The following CDADC1 variants were observed in gnomAD, a reference collection of about 807,000 sequenced individuals.
CDADC1 encodes dCTP deaminase.
CDADC1 carries 39 observed loss-of-function variants against 54.9 expected under a neutral mutation model. That is an observed-to-expected ratio of 0.71 (90% CI 0.55 to 0.93). The LOEUF is 0.93. Among genes scored for constraint, CDADC1 ranks in the 40% least tolerant of loss-of-function variants. The pLI is 0.00. For missense variants in CDADC1, 518 were observed against 618.8 expected (o/e 0.84, Z 1.73); for synonymous variants, 186 against 204.0 (o/e 0.91, Z 0.75).
intron 4 of CDADC1, chr13:49,265,902 C>A (rs964030636): frequency 9.2e-6 from 12 of 1,302,738 alleles, no homozygotes; most frequent in Non-Finnish European, 1.2e-5. Context: ...AGCTAAGATG[C>A]CTAGATGAAA....
In CDADC1 at chr13:49,259,317, A is replaced by G. The variant is rs770250667; in HGVS notation, c.253-29A>G. The G allele has an allele frequency of 3.4e-6, 5 of 1,488,996 alleles. No homozygotes were observed. In the South Asian group the frequency reaches 4.9e-5, roughly 15 times the overall value. The allele number at this position is 1,488,996 out of a possible 1,614,324, so 92.2% of individuals were successfully genotyped here. ...ATATGATTATTAGGTGTTATAACTA[A>G]TAAGTTGTTATTTTATATCTTAATG... On this transcript the variant is annotated intron_variant, in intron 3 of 9. Transcript: ENST00000251108.
At chr13:49,275,726 TAGAGAGAGAGAGAGAGAGAGAG>T (rs1163125791) in intron 6 of CDADC1, among the ~76,000 whole-genome samples, 219 of 17,882 alleles carry the variant, frequency 0.012, 4 homozygotes, top group South Asian at 0.013. Flanking sequence ...TATATATATA[TAGAGAGAGAGAGAGAGAGAGAG>T]AGAGAGAGAG....
At position 49,285,701 on chromosome 13, in the gene CDADC1, C is replaced by G. The variant is rs1313737128; in HGVS notation, c.1411-521C>G. ...AATGAATGTAAAGAATCTTCAACTT[C>G]TCTAAGAGTATTGATTCGGATCCCA... On this transcript the variant is annotated intron_variant, in intron 8 of 9. Transcript: ENST00000251108. Among the ~76,000 whole-genome samples, 9 of 152,270 alleles carry G rather than the reference C, an allele frequency of 5.9e-5. No individual in the cohort carries two copies. In the South Asian group the frequency reaches 8.3e-4, roughly 14 times the overall value.
intron 5 of CDADC1, among the ~76,000 whole-genome samples, chr13:49,272,070 T>C (rs868118045): frequency 2.6e-5 from 4 of 151,240 alleles, no homozygotes; most frequent in Middle Eastern, 3.4e-3. Flanking sequence ...ATTTTTTTTT[T>C]CCTCCTAACA....
rs1364172590 is a variant in CDADC1 at position 49,248,857 on chromosome 13, C to G, written c.83-14C>G. On this transcript the variant is annotated splice_polypyrimidine_tract_variant and intron_variant, in intron 1 of 9. Transcript: ENST00000251108. ...TAGTAACAAAGTTTAAAGTGTTTGT[C>G]GTCTCTTTTGTAGGTCAGATACCAA... is the stretch of plus-strand genomic sequence containing the variant. 6.6e-7 allele frequency: 1 copy of G among 1,510,150 alleles called. No individual in the cohort carries two copies. Among genetic ancestry groups the G allele is most frequent in the African/African-American group, 1.4e-5 (1 of 72,684 alleles). 93.5% of individuals were successfully genotyped at this position (1,510,150 alleles called of 1,614,324 possible). A position where few individuals can be genotyped will look rare whatever the true frequency, so the allele number is the denominator to read the frequency against.
At chr13:49,255,935 T>C (rs775260100) in intron 3 of CDADC1, 22 bp downstream of exon 3, 20 of 1,604,574 alleles carry the variant, frequency 1.2e-5, no homozygotes, top group Admixed American at 7.0e-5. Flanking sequence ...TGATTTCACA[T>C]ATATATGCTC....
At chr13:49,283,757 AC>A (rs1291266546) in intron 8 of CDADC1, among the ~76,000 whole-genome samples, 1 of 152,148 alleles carries the variant, frequency 6.6e-6, no homozygotes, top group Non-Finnish European at 1.5e-5. Flanking sequence ...AAATACCCTC[AC>A]TCAGGCACAT....
intron 3 of CDADC1, among the ~76,000 whole-genome samples, chr13:49,258,248 T>G (rs956907056): frequency 2.6e-5 from 4 of 152,202 alleles, no homozygotes; most frequent in Non-Finnish European, 4.4e-5. Flanking sequence ...TATGCTGTAT[T>G]GGGGGATAAG....
chr13:49,283,290 A>AT (rs1248638129), intron 8 of CDADC1, among the ~76,000 whole-genome samples: 2 of 151,998 alleles, frequency 1.3e-5, no homozygotes, highest in Non-Finnish European at 1.5e-5. Flanking sequence ...TAATATTGTC[A>AT]TTTTTTTCTA....
At chr13:49,287,972 TAA>T (rs779068056) in intron 9 of CDADC1, among the ~76,000 whole-genome samples, 124 of 126,954 alleles carry the variant, frequency 9.8e-4, no homozygotes, top group Admixed American at 1.2e-3. Flanking sequence ...GACCCTGCCT[TAA>T]AAAAAAAAAA....
intron 9 of CDADC1, 100 bp from the exon 10 acceptor site, chr13:49,291,584 A>T: frequency 9.9e-7 from 1 of 1,012,420 alleles, no homozygotes; most frequent in Non-Finnish European, 1.4e-6. Context: ...AAGTTCCTTT[A>T]ACTTAAGCAT....
At chr13:49,255,957 G>A (rs750184130) in intron 3 of CDADC1, 44 bp downstream of exon 3, 9 of 1,588,364 alleles carry the variant, frequency 5.7e-6, no homozygotes, top group Non-Finnish European at 6.0e-6. Context: ...TAATAACAAA[G>A]CAAAAGGAAT....
rs1303426621 is a variant in CDADC1, at chr13:49,267,971, A to G, written c.912A>G (p.Glu304=). Residue 304 remains glutamate, a synonymous_variant, in exon 5 of 10, where the codon GAA becomes GAG. Coordinates refer to ENST00000251108, the MANE Select transcript of CDADC1 (RefSeq NM_030911.4). ...KHFGFYRSNP[E]QINEIHNQSL... The stretch of plus-strand genomic sequence containing the variant: ...TCGGATTTTACCGTAGCAATCCAGA[A>G]CAGATTAATGAAATTCACAATCAAA... 3 of 1,614,018 alleles carry G rather than the reference A, an allele frequency of 1.9e-6. No individual in the cohort carries two copies. Among genetic ancestry groups the G allele is most frequent in the Non-Finnish European group, 2.5e-6 (3 of 1,180,018 alleles).
At chr13:49,261,169 T>C (rs890626518) in intron 4 of CDADC1, among the ~76,000 whole-genome samples, 5 of 152,206 alleles carry the variant, frequency 3.3e-5, no homozygotes, top group African/African-American at 9.6e-5. Context: ...GAGCTATTTT[T>C]ATTTACAGCA....
rs60518037 is a variant in CDADC1, at chr13:49,251,400, G to GA, written c.177+2445dup. Among the ~76,000 whole-genome samples the GA allele has an allele frequency of 5.6e-3, 718 of 128,700 alleles. 5 individuals carry two copies. Among genetic ancestry groups the GA allele is most frequent in the African/African-American group, 0.019 (662 of 35,102 alleles). 84.4% of individuals were successfully genotyped at this position (128,700 alleles called of 152,430 possible). On this transcript the variant is annotated intron_variant, in intron 2 of 9. Coordinates refer to ENST00000251108, the MANE Select transcript of CDADC1 (RefSeq NM_030911.4). ...TCCAGCCTGGCGACAGAAAAAAAAAGAAAAAAAAAAGAAAAAAAAACGTAT... is the reference window on the plus strand; with the variant it reads ...TCCAGCCTGGCGACAGAAAAAAAAAGAAAAAAAAAAAGAAAAAAAAACGTAT...
intron 3 of CDADC1, among the ~76,000 whole-genome samples, chr13:49,258,179 C>T (rs57186245): frequency 0.011 from 1,630 of 152,226 alleles, 21 homozygotes; most frequent in African/African-American, 0.037. Flanking sequence ...TACTCAAAAC[C>T]GAAACTGAAA....
chr13:49,267,512 C>A lies in CDADC1; in HGVS notation c.453C>A (p.Tyr151Ter). The change falls in exon 5 of 10, where the codon TAC (tyrosine) becomes TAA (stop). Residue 151 changes from tyrosine to a stop codon, truncating the protein, a stop_gained. Coordinates refer to ENST00000251108, the MANE Select transcript of CDADC1 (RefSeq NM_030911.4). LOFTEE classifies it high-confidence loss of function. ...CAGCTGGAGTTAACCGAATTTCATA[C>A]TGGCCTGCTGATCCAGAAATAAGTT... is the stretch of plus-strand genomic sequence containing the variant. ...IVNAGVNRISYWPADPEISLL... is the reference protein window; with the variant it reads ...IVNAGVNRIS 1 of 1,611,850 alleles carries A rather than the reference C, an allele frequency of 6.2e-7. No homozygotes were observed. The highest frequency in any genetic ancestry group is 1.1e-5 in the South Asian group (1 of 90,694).
intron 1 of CDADC1, among the ~76,000 whole-genome samples, chr13:49,248,621 G>A (rs112385834): frequency 2.0e-5 from 3 of 152,268 alleles, no homozygotes; most frequent in Admixed American, 6.5e-5. Context: ...TGTATTAGCT[G>A]TACCGTTTTT....
chr13:49,255,075 T>G (rs1413561750), intron 2 of CDADC1, among the ~76,000 whole-genome samples: 2 of 152,238 alleles, frequency 1.3e-5, no homozygotes, highest in East Asian at 3.8e-4. Context: ...ATCAAAGTGT[T>G]GGCAGAGCCA....
Sources: allele counts gnomAD v4.1 joint callset (sites outside exome capture counted in the v4.1 genomes callset), GRCh38; gene constraint gnomAD v4.1.1; transcripts MANE v1.5; gene names NCBI Gene and HGNC (gene_info 2026-07-23, HGNC 2026-07-21).